Variants in MID1 observed in about 807,000 individuals in gnomAD.
MID1 encodes the protein E3 ubiquitin-protein ligase Midline-1.
MID1 carries 7 observed loss-of-function variants against 40.4 expected under a neutral mutation model. That is an observed-to-expected ratio of 0.17 (90% confidence interval 0.10 to 0.33). MID1 has a LOEUF of 0.33. MID1 is among the 10% of genes least tolerant of loss of function. The pLI, the probability that MID1 is intolerant of heterozygous loss-of-function variation, is 1.00. For synonymous variants in MID1, 229 were observed against 221.2 expected, an observed-to-expected ratio of 1.04 and a Z score of -0.31; for missense variants, 367 against 558.5, an observed-to-expected ratio of 0.66 and a Z score of 3.46.
chrX:10,758,138 T>TG lies in MID1; in HGVS notation c.-187+75415_-187+75416insC, dbSNP rs1395568181. The stretch of plus-strand genomic sequence containing the variant: ...GCCAGCATGCCCTGCTTTTTTTTTT[T>TG]TTTGTTTTGTATTTTTTGTAGAGAT... On this transcript the variant is annotated intron_variant, in intron 1 of 10. Transcript: ENST00000380785. Among the ~76,000 whole-genome samples the TG allele has an allele frequency of 1.7e-4, 18 of 104,454 alleles. 1 individual carries two copies. The highest frequency in any genetic ancestry group is 6.4e-4 in the African/African-American group (17 of 26,767). 90.7% of individuals were successfully genotyped at this position (104,454 alleles called of 115,157 possible).
chrX:10,445,438 A>G (rs997596084), downstream of MID1: 4 of 112,727 alleles, frequency 3.5e-5, no homozygotes, highest in African/African-American at 1.3e-4. Flanking sequence ...AAGAAAATGA[A>G]TTATATGTCA....
intron 1 of MID1, among the ~76,000 whole-genome samples, chrX:10,770,837 G>C (rs1470671335): frequency 8.9e-6 from 1 of 111,950 alleles, no homozygotes; most frequent in Non-Finnish European, 1.9e-5. Flanking sequence ...GGGTGCGGTG[G>C]CTCACGCCTG....
chrX:10,526,326 T>C, intron 2 of MID1, among the ~76,000 whole-genome samples: 2 of 102,534 alleles, frequency 2.0e-5, no homozygotes, highest in East Asian at 5.8e-4. Context: ...AAGCCAAAGT[T>C]TTTTTTTTTT....
chrX:10,492,768 T>C (rs1489317774), intron 4 of MID1, among the ~76,000 whole-genome samples: 1 of 112,341 alleles, frequency 8.9e-6, no homozygotes, highest in African/African-American at 3.2e-5. Flanking sequence ...GGCTTTTCAG[T>C]TTTGTCTCAT....
intron 1 of MID1, among the ~76,000 whole-genome samples, chrX:10,720,639 G>A (rs1038243503): frequency 4.5e-5 from 5 of 111,885 alleles, no homozygotes; most frequent in African/African-American, 1.3e-4. Context: ...AGTCAGTGTG[G>A]CGATTCCTCA....
At chrX:10,689,758 T>C (rs181530805) in intron 1 of MID1, among the ~76,000 whole-genome samples, 59 of 109,736 alleles carry the variant, frequency 5.4e-4, no homozygotes, top group Non-Finnish European at 1.0e-3. Flanking sequence ...TGCCTCTTCA[T>C]GTGGTAGGGC....
In MID1 at chrX:10,687,188, G is replaced by A. The variant is rs144473288; in HGVS notation, c.-186-66769C>T. ...AGGAAGGACCAAGTAACATAGTTGG[G>A]CCAAATAGATAGAGCCATAAATTTC... is the stretch of plus-strand genomic sequence containing the variant. On this transcript the variant is annotated intron_variant, in intron 1 of 10. Coordinates refer to the MID1 transcript ENST00000380785. 3.4e-3 allele frequency among the ~76,000 whole-genome samples: 384 copies of A among 111,739 alleles called. 1 individual carries two copies. Among genetic ancestry groups the A allele is most frequent in the African/African-American group, 0.012 (360 of 30,728 alleles).
intron 1 of MID1, among the ~76,000 whole-genome samples, chrX:10,577,455 T>C (rs1439557963): frequency 9.0e-6 from 1 of 111,720 alleles, no homozygotes; most frequent in Admixed American, 9.5e-5. Context: ...AGAAGTTTTC[T>C]TCAAAGTTAT....
intron 1 of MID1, among the ~76,000 whole-genome samples, chrX:10,722,152 C>T (rs904415693): frequency 9.0e-6 from 1 of 111,449 alleles, no homozygotes; most frequent in African/African-American, 3.3e-5. Flanking sequence ...TGCTACTTAT[C>T]CAGAGGTTGG....
At chrX:10,517,510 G>T (rs1185446840) in intron 3 of MID1, among the ~76,000 whole-genome samples, 1 of 112,288 alleles carries the variant, frequency 8.9e-6, no homozygotes, top group African/African-American at 3.2e-5. Flanking sequence ...AGTTGGAAAT[G>T]CCAGTTGTCA....
chrX:10,723,607 A>G (rs774731765), intron 1 of MID1, among the ~76,000 whole-genome samples: 25 of 113,332 alleles, frequency 2.2e-4, no homozygotes, highest in African/African-American at 8.0e-4. Flanking sequence ...GCTGGAGTGC[A>G]GTGGCGCGAT....
In MID1 at chrX:10,798,467, A is replaced by G. The variant is rs7890892; in HGVS notation, c.-187+35087T>C. On this transcript the variant is annotated intron_variant, in intron 1 of 10. Transcript: ENST00000380785. ...CATCAGAATCCTTTAACTGTTATTGATTCAAGTCTCTACCCAGTTTTGTGA... is the reference window on the plus strand; with the variant it reads ...CATCAGAATCCTTTAACTGTTATTGGTTCAAGTCTCTACCCAGTTTTGTGA... Among the ~76,000 whole-genome samples, 498 of 111,999 alleles carry G rather than the reference A, an allele frequency of 4.4e-3. 4 individuals are homozygous for G. Among genetic ancestry groups the G allele is most frequent in the African/African-American group, 0.015 (451 of 30,841 alleles).
chrX:10,449,336 T>TC lies in MID1; in HGVS notation c.*31dup. ...TAAATAGTGGCCTGAACCTTACTGT[T>TC]CCCCAGAAAGCAGCTCCATGTGGCC... is the stretch of plus-strand genomic sequence containing the variant. On this transcript the variant is annotated 3_prime_UTR_variant, in exon 10 of 10. Transcript: ENST00000317552. 8.8e-7 allele frequency: 1 copy of TC among 1,141,387 alleles called. No individual in the cohort carries two copies. Among genetic ancestry groups the TC allele is most frequent in the Non-Finnish European group, 1.2e-6 (1 of 834,100 alleles). 94.1% of individuals were successfully genotyped at this position (1,141,387 alleles called of 1,213,427 possible).
At chrX:10,566,502 TCTCTCTCTCCCTCTCTCTCC>T (rs753715524) in intron 2 of MID1, among the ~76,000 whole-genome samples, 2 of 90,114 alleles carry the variant, frequency 2.2e-5, no homozygotes, top group Non-Finnish European at 4.2e-5. Flanking sequence ...TGTCATTCTC[TCTCTCTCTCCCTCTCTCTCC>T]CTCTCTCTCC....
intron 1 of MID1, among the ~76,000 whole-genome samples, chrX:10,772,696 T>C (rs1055387891): frequency 5.4e-5 from 6 of 110,906 alleles, no homozygotes; most frequent in African/African-American, 2.0e-4. Context: ...TAAATAACAA[T>C]TGAGTTAAAA....
At chrX:10,459,956 C>T in intron 7 of MID1, 149 bp from the exon 8 acceptor site, 3 of 607,967 alleles carry the variant, frequency 4.9e-6, no homozygotes, top group African/African-American at 2.2e-5. Context: ...ACTGACTTCA[C>T]TAACGTAGAT....
At chrX:10,667,987 C>T (rs188440035) in intron 1 of MID1, among the ~76,000 whole-genome samples, 4 of 112,063 alleles carry the variant, frequency 3.6e-5, no homozygotes, top group Non-Finnish European at 5.6e-5. Flanking sequence ...AATGGTTAGT[C>T]CAGTCCTGAA....
intron 2 of MID1, among the ~76,000 whole-genome samples, chrX:10,557,970 C>G (rs1934186213): frequency 9.1e-6 from 1 of 110,375 alleles, no homozygotes; most frequent in African/African-American, 3.3e-5. Context: ...ATGTCTCTTC[C>G]CCCTTTTATT....
intron 1 of MID1, among the ~76,000 whole-genome samples, chrX:10,656,020 G>T (rs2042869033): frequency 8.9e-6 from 1 of 111,810 alleles, no homozygotes; most frequent in Admixed American, 9.5e-5. Context: ...ATTTTATGAT[G>T]GTTTGTTATG....
Sources: gnomAD v4.1 joint callset for allele counts (sites outside exome capture counted in the v4.1 genomes callset) on GRCh38, gnomAD v4.1.1 for gene constraint, MANE v1.5 for transcripts, NCBI Gene and HGNC (gene_info 2026-07-23, HGNC 2026-07-21) for gene names.